KIRREL3: variants seen among roughly 807,000 people sequenced by gnomAD.
KIRREL3 encodes kin of IRRE-like protein 3.
KIRREL3 carries 36 observed loss-of-function variants against 89.7 expected under a neutral mutation model. That is an observed-to-expected ratio of 0.40 (90% CI 0.31 to 0.53). The LOEUF is 0.53. Ranked by LOEUF, KIRREL3 falls within the 20% of genes least tolerant of loss-of-function variation. The probability of loss-of-function intolerance (pLI) is 0.49; values close to 1 mark genes in which losing one functional copy is unlikely to be tolerated. For missense variants in KIRREL3, 864 were observed against 1,056.6 expected, an observed-to-expected ratio of 0.82 and a Z score of 2.53; for synonymous variants, 445 against 441.4, an observed-to-expected ratio of 1.01 and a Z score of -0.10.
At chr11:126,975,378 G>A (rs1217549566) in intron 1 of KIRREL3, among the ~76,000 whole-genome samples, 1 of 152,140 alleles carries the variant, frequency 6.6e-6, no homozygotes, top group East Asian at 1.9e-4. Flanking sequence ...TGTTCACAAA[G>A]CTTTCATTCT....
At chr11:126,829,513 T>C (rs1565333728) in intron 1 of KIRREL3, among the ~76,000 whole-genome samples, 1 of 151,908 alleles carries the variant, frequency 6.6e-6, no homozygotes, top group Non-Finnish European at 1.5e-5. Context: ...GGACCTCGTG[T>C]GGTCTTGTGC....
rs376697057 is a variant in KIRREL3 at position 126,721,404 on chromosome 11, C to A, written c.56-158492G>T. On this transcript the variant is annotated intron_variant, in intron 1 of 16. Transcript: ENST00000525144. The stretch of plus-strand genomic sequence containing the variant: ...AATTAGCTGGGTATAGTGGTGCATG[C>A]CTATAATCCTAGCTACTCGGGAGGC... Among the ~76,000 whole-genome samples, 206 of 152,072 alleles carry A rather than the reference C, an allele frequency of 1.4e-3. 1 individual carries two copies. Among genetic ancestry groups the A allele is most frequent in the African/African-American group, 4.7e-3 (197 of 41,514 alleles).
At chr11:126,493,654 CAAAAA>C (rs5795499) in intron 4 of KIRREL3, among the ~76,000 whole-genome samples, 1,030 of 82,204 alleles carry the variant, frequency 0.013, 9 homozygotes, top group Non-Finnish European at 0.016. Flanking sequence ...GACTCTGTCT[CAAAAA>C]AAAAAAAAAA....
intron 1 of KIRREL3, among the ~76,000 whole-genome samples, chr11:126,738,688 C>T (rs1297555992): frequency 6.6e-6 from 1 of 152,192 alleles, no homozygotes; most frequent in Non-Finnish European, 1.5e-5. Flanking sequence ...TCTCCTTTTC[C>T]CTTCCCAGAA....
intron 8 of KIRREL3, 37 bp downstream of exon 8, chr11:126,448,972 C>A (rs776091927): frequency 5.8e-6 from 9 of 1,564,440 alleles, no homozygotes; most frequent in Non-Finnish European, 7.8e-6. Context: ...CCAGTGGATG[C>A]CTGCTCGCCT....
At chr11:126,815,205 A>G (rs934959876) in intron 1 of KIRREL3, among the ~76,000 whole-genome samples, 8 of 152,216 alleles carry the variant, frequency 5.3e-5, no homozygotes, top group African/African-American at 1.9e-4. Context: ...GTTCATTTCC[A>G]TAACAACCTT....
chr11:126,907,526 G>C (rs561917686), intron 1 of KIRREL3, among the ~76,000 whole-genome samples: 30 of 152,274 alleles, frequency 2.0e-4, no homozygotes, highest in African/African-American at 6.7e-4. Flanking sequence ...TTGCTGGAGG[G>C]ACAGGTTGAG....
intron 1 of KIRREL3, among the ~76,000 whole-genome samples, chr11:126,911,982 CAAAA>C (rs34548052): frequency 2.9e-4 from 27 of 91,686 alleles, no homozygotes; most frequent in Non-Finnish European, 3.0e-4. Flanking sequence ...GACTCTGTCT[CAAAA>C]AAAAAAAAAA....
At chr11:126,680,754 T>C (rs1413508341) in intron 1 of KIRREL3, among the ~76,000 whole-genome samples, 1 of 150,942 alleles carries the variant, frequency 6.6e-6, no homozygotes, top group African/African-American at 2.4e-5. Context: ...AAAAAAGATA[T>C]CAACCATAAG....
chr11:126,717,499 G>A (rs759825964), intron 1 of KIRREL3, among the ~76,000 whole-genome samples: 2 of 152,112 alleles, frequency 1.3e-5, no homozygotes, highest in Non-Finnish European at 2.9e-5. Context: ...AGTTCTCGCG[G>A]GGAACTGTTC....
Position 126,558,194 on chromosome 11 carries a change from C to T in KIRREL3, c.133+4641G>A, listed in dbSNP as rs1371629262. On this transcript the variant is annotated intron_variant, in intron 2 of 16. Coordinates refer to ENST00000525144, the MANE Select transcript of KIRREL3 (RefSeq NM_032531.4). This position sits in a 1 kb window ranked among gnomAD's most constrained non-coding sequence, Gnocchi z 4.0. ...GGAGGTCAAAACTTCGGTGCCTCTGCTTCTTCCCTCCTTTAAATATCCTCT... is the reference window on the plus strand; with the variant it reads ...GGAGGTCAAAACTTCGGTGCCTCTGTTTCTTCCCTCCTTTAAATATCCTCT... Among the ~76,000 whole-genome samples the T allele has an allele frequency of 2.0e-5, 3 of 152,142 alleles. No individual in the cohort carries two copies. The highest frequency in any genetic ancestry group is 3.9e-4 in the East Asian group (2 of 5,188).
Position 126,471,423 on chromosome 11 carries a change from AAAAG to A in KIRREL3, c.591+1882_591+1885del, listed in dbSNP as rs1674087929. Among the ~76,000 whole-genome samples, 1 of 151,996 alleles carries A rather than the reference AAAAG, an allele frequency of 6.6e-6. No homozygotes were observed. The highest frequency in any genetic ancestry group is 2.4e-5 in the African/African-American group (1 of 41,430). On this transcript the variant is annotated intron_variant, in intron 5 of 16. Transcript: ENST00000525144. The surrounding 1 kb of genome is among the most constrained non-coding windows in gnomAD (Gnocchi z 5.4). ...AATAAAAAATAAAAAAAGAAAGAAAAAAAGAAAAGACAGTTTGCTACTCATAGTT... is the reference window on the plus strand; with the variant it reads ...AATAAAAAATAAAAAAAGAAAGAAAAAAAAGACAGTTTGCTACTCATAGTT...
In KIRREL3 at chr11:126,954,094, G is replaced by T. The variant is rs1051798721; in HGVS notation, c.55+46361C>A. Among the ~76,000 whole-genome samples the T allele has an allele frequency of 1.8e-4, 28 of 151,956 alleles. No individual in the cohort carries two copies. The highest frequency in any genetic ancestry group is 6.8e-4 in the African/African-American group (28 of 41,380). Reference sequence around the variant, plus strand: ...AATTCTCCCCAGGGTCGGTCTGTGAGCGCCTCTAATACCCTATGTGGTTTC... The same window carrying T: ...AATTCTCCCCAGGGTCGGTCTGTGATCGCCTCTAATACCCTATGTGGTTTC... On this transcript the variant is annotated intron_variant, in intron 1 of 16. Transcript: ENST00000525144. The surrounding 1 kb of genome is among the most constrained non-coding windows in gnomAD (Gnocchi z 4.1).
rs777301369 is a variant in KIRREL3 at position 126,424,889 on chromosome 11, G to C, written c.2028C>G (p.Thr676=). The C allele has an allele frequency of 1.2e-6, 2 of 1,612,120 alleles. No homozygotes were observed. Among genetic ancestry groups the C allele is most frequent in the South Asian group, 2.2e-5 (2 of 91,070 alleles). Residue 676 remains threonine (T), a synonymous_variant, in exon 17 of 17, where the codon ACC becomes ACG. Coordinates refer to ENST00000525144, the MANE Select transcript of KIRREL3 (RefSeq NM_032531.4). Reference sequence around the variant, plus strand: ...GGCCGCTCAGGGTGCTGTAGATGTTGGTGAAGGACATGCCTGTGGGCACAC... The same window carrying C: ...GGCCGCTCAGGGTGCTGTAGATGTTCGTGAAGGACATGCCTGTGGGCACAC... ...KQRVPTGMSF[T]NIYSTLSGQG...
chr11:126,474,313 G>T lies in KIRREL3; in HGVS notation c.434-847C>A, dbSNP rs1288436560. Among the ~76,000 whole-genome samples the T allele has an allele frequency of 6.6e-6, 1 of 152,160 alleles. No homozygotes were observed. Among genetic ancestry groups the T allele is most frequent in the Non-Finnish European group, 1.5e-5 (1 of 68,026 alleles). ...TCTGAGTTAGTCCTCACAACAGTCT[G>T]GTGAGGTCAACATTACCACCCCAAT... On this transcript the variant is annotated intron_variant, in intron 4 of 16. Coordinates refer to ENST00000525144, the MANE Select transcript of KIRREL3 (RefSeq NM_032531.4). The surrounding 1 kb of genome is among the most constrained non-coding windows in gnomAD (Gnocchi z 6.7).
intron 1 of KIRREL3, among the ~76,000 whole-genome samples, chr11:126,665,914 C>T (rs1945641680): frequency 6.6e-6 from 1 of 152,196 alleles, no homozygotes; most frequent in Non-Finnish European, 1.5e-5. Flanking sequence ...GACCCATCAC[C>T]TTGTGCCATT....
In KIRREL3 at chr11:126,897,000, A is replaced by G. The variant is rs1946187395; in HGVS notation, c.55+103455T>C. On this transcript the variant is annotated intron_variant, in intron 1 of 16. Transcript: ENST00000525144. The surrounding 1 kb of genome is among the most constrained non-coding windows in gnomAD (Gnocchi z 4.1). Reference sequence around the variant, plus strand: ...GATTCTAAGAAGAGGCCAGGGAAAGAGCAGACCATCCAAGTACCAAAAATC... The same window carrying G: ...GATTCTAAGAAGAGGCCAGGGAAAGGGCAGACCATCCAAGTACCAAAAATC... 6.6e-6 allele frequency among the ~76,000 whole-genome samples: 1 copy of G among 152,180 alleles called. No individual in the cohort carries two copies. Among genetic ancestry groups the G allele is most frequent in the Admixed American group, 6.5e-5 (1 of 15,284 alleles).
In KIRREL3 at chr11:126,883,980, A is replaced by C. The variant is rs533406609; in HGVS notation, c.55+116475T>G. Reference sequence around the variant, plus strand: ...GAGCCCCCTGTTCCTGCAGGTATTAAAGTGGAGGGTGACTGGCCACCCGGG... The same window carrying C: ...GAGCCCCCTGTTCCTGCAGGTATTACAGTGGAGGGTGACTGGCCACCCGGG... On this transcript the variant is annotated intron_variant, in intron 1 of 16. Coordinates refer to ENST00000525144, the MANE Select transcript of KIRREL3 (RefSeq NM_032531.4). This position sits in a 1 kb window ranked among gnomAD's most constrained non-coding sequence, Gnocchi z 4.1. 3.3e-5 allele frequency among the ~76,000 whole-genome samples: 5 copies of C among 152,286 alleles called. No individual in the cohort carries two copies. The South Asian group carries it at 8.3e-4, about 25-fold the overall frequency.
chr11:126,908,473 G>A lies in KIRREL3; in HGVS notation c.55+91982C>T, dbSNP rs1477247980. ...GCTCTGGTTTTCTCATATGCAATGT[G>A]GGGACAATAATAGTGACTTCTTCAC... On this transcript the variant is annotated intron_variant, in intron 1 of 16. Transcript: ENST00000525144. This position sits in a 1 kb window ranked among gnomAD's most constrained non-coding sequence, Gnocchi z 4.2. 6.6e-6 allele frequency among the ~76,000 whole-genome samples: 1 copy of A among 152,138 alleles called. No individual in the cohort carries two copies. The highest frequency in any genetic ancestry group is 1.5e-5 in the Non-Finnish European group (1 of 68,040).
Sources: allele counts gnomAD v4.1 joint callset (sites outside exome capture counted in the v4.1 genomes callset), GRCh38; gene constraint gnomAD v4.1.1; non-coding constraint Gnocchi (gnomAD v3.1); transcripts MANE v1.5; gene names NCBI Gene and HGNC (gene_info 2026-07-23, HGNC 2026-07-21).